HOOK3: variants seen among roughly 807,000 people sequenced by gnomAD.
The protein encoded by HOOK3 is hook microtubule tethering protein 3.
Under a neutral mutation model 116.3 loss-of-function variants are expected in HOOK3, and 24 were observed. The observed-to-expected ratio is 0.21, with a 90% CI of 0.15 to 0.29. HOOK3 has a LOEUF of 0.29. Among genes scored for constraint, HOOK3 ranks in the 10% least tolerant of loss-of-function variants. The pLI is 1.00. For missense variants in HOOK3, 632 were observed against 830.2 expected (o/e 0.76, Z 2.93); for synonymous variants, 275 against 283.0 (o/e 0.97, Z 0.28).
chr8:42,977,931 C>G (rs1402363585), intron 13 of HOOK3, among the ~76,000 whole-genome samples: 1 of 152,082 alleles, frequency 6.6e-6, no homozygotes, highest in African/African-American at 2.4e-5. Flanking sequence ...CAAAAAGATT[C>G]ACAACTTTAA....
At chr8:42,902,607 C>T (rs1807213992) in intron 1 of HOOK3, among the ~76,000 whole-genome samples, 1 of 152,108 alleles carries the variant, frequency 6.6e-6, no homozygotes, top group Non-Finnish European at 1.5e-5. Flanking sequence ...AGATGATTCC[C>T]CTACACACCA....
At chr8:42,976,726 T>A (rs1808836869) in intron 13 of HOOK3, among the ~76,000 whole-genome samples, 1 of 151,774 alleles carries the variant, frequency 6.6e-6, no homozygotes, top group Non-Finnish European at 1.5e-5. Flanking sequence ...TGAAACCCCG[T>A]CTCTACTAAA....
rs529268164 is a variant in HOOK3 at position 42,996,385 on chromosome 8, CAAAAAAAA to C, written c.1533-1154_1533-1147del. Among the ~76,000 whole-genome samples, 5 of 55,980 alleles carry C rather than the reference CAAAAAAAA, an allele frequency of 8.9e-5. No homozygotes were observed. In the East Asian group the frequency reaches 3.1e-3, roughly 35 times the overall value. 36.7% of individuals were successfully genotyped at this position (55,980 alleles called of 152,430 possible). Reference sequence around the variant, plus strand: ...TGGGCAACAGAAGGAGACTCCGTCTCAAAAAAAAAAAAAAAAAAGAAAAAGAAAAAGAA... The same window carrying C: ...TGGGCAACAGAAGGAGACTCCGTCTCAAAAAAAAAAGAAAAAGAAAAAGAA... On this transcript the variant is annotated intron_variant, in intron 15 of 21. Coordinates refer to ENST00000307602, the MANE Select transcript of HOOK3 (RefSeq NM_032410.4).
rs1809581494 is a variant in HOOK3 at position 43,010,329 on chromosome 8, A to G, written c.1763A>G (p.Glu588Gly). The G allele has an allele frequency of 6.9e-7, 1 of 1,459,216 alleles. No homozygotes were observed. Among genetic ancestry groups the G allele is most frequent in the African/African-American group, 1.4e-5 (1 of 69,034 alleles). 90.4% of individuals were successfully genotyped at this position (1,459,216 alleles called of 1,614,324 possible). ...GCCTTAAAAATTGAAGAATTACAAG[A>G]AGCTTTACGAAAGAAAGAGGAAGAA... Reference protein sequence around the residue: ...NSSLKIEELQEALRKKEEEMK... With the variant: ...NSSLKIEELQGALRKKEEEMK... Residue 588 changes from glutamate (E) to glycine (G), a missense_variant, in exon 19 of 22, where the codon GAA becomes GGA. Around this residue, in one of 3 missense-constraint regions of HOOK3, gnomAD observed 483 missense variants for 648.1 expected, o/e 0.75. Transcript: ENST00000307602.
chr8:42,950,270 T>A (rs1352583371), intron 5 of HOOK3, 118 bp from the exon 6 acceptor site: 1 of 674,112 alleles, frequency 1.5e-6, no homozygotes, highest in Non-Finnish European at 2.7e-6. Context: ...TATGTGGGAT[T>A]CCTAGGAGGA....
At chr8:43,001,143 G>C (rs1464323649) in intron 16 of HOOK3, 1 of 151,806 alleles carries the variant, frequency 6.6e-6, no homozygotes, top group Non-Finnish European at 1.5e-5. Flanking sequence ...AAGGTAACAG[G>C]GTTATCTTTT....
intron 2 of HOOK3, among the ~76,000 whole-genome samples, chr8:42,909,759 C>T (rs1016424824): frequency 6.6e-6 from 1 of 152,146 alleles, no homozygotes; most frequent in East Asian, 1.9e-4. Flanking sequence ...AACAACATGC[C>T]CATGTCCCCA....
Position 43,021,544 on chromosome 8 carries a change from A to G in HOOK3, c.*3046A>G. 5.7e-6 allele frequency: 1 copy of G among 176,192 alleles called. No homozygotes were observed. The highest frequency in any genetic ancestry group is 1.2e-5 in the Non-Finnish European group (1 of 82,202). The allele number at this position is 176,192 out of a possible 1,614,324, so 10.9% of individuals were successfully genotyped here. On this transcript the variant is annotated 3_prime_UTR_variant, in exon 22 of 22. Transcript: ENST00000307602. ...TCTCAAACTCCTGACCTCGTGATCT[A>G]CCCACCTCGGCCTCCCAAAGTGCTG... is the stretch of plus-strand genomic sequence containing the variant.
intron 8 of HOOK3, among the ~76,000 whole-genome samples, chr8:42,962,750 G>T (rs1298281406): frequency 6.6e-6 from 1 of 150,534 alleles, no homozygotes; most frequent in East Asian, 1.9e-4. Flanking sequence ...TGTGTAAAAA[G>T]GAGTTCTGCC....
At chr8:42,909,870 T>A (rs921233613) in intron 2 of HOOK3, among the ~76,000 whole-genome samples, 1 of 152,216 alleles carries the variant, frequency 6.6e-6, no homozygotes, top group African/African-American at 2.4e-5. Context: ...ATCTCACTTA[T>A]GTGGAATCTA....
intron 1 of HOOK3, among the ~76,000 whole-genome samples, chr8:42,903,338 C>CTTTTTTTTTTTTTTTTTTTTTTTTT (rs1164136399): frequency 6.9e-5 from 6 of 87,588 alleles, no homozygotes; most frequent in African/African-American, 2.8e-4. Flanking sequence ...TAATAGTTGT[C>CTTTTTTTTTTTTTTTTTTTTTTTTT]TTTTTTTTTT....
rs562537470 is a variant in HOOK3 at position 43,006,588 on chromosome 8, G to C, written c.1656-1259G>C. On this transcript the variant is annotated intron_variant, in intron 17 of 21. Transcript: ENST00000307602. ...TCTACCCACCTTGGCCTCCCAAAGTGCTAGGATTACAGGCATGAACCACTG... is the reference window on the plus strand; with the variant it reads ...TCTACCCACCTTGGCCTCCCAAAGTCCTAGGATTACAGGCATGAACCACTG... Among the ~76,000 whole-genome samples the C allele has an allele frequency of 5.5e-4, 84 of 152,298 alleles. 1 individual carries two copies. Among genetic ancestry groups the C allele is most frequent in the Admixed American group, 9.8e-4 (15 of 15,294 alleles).
intron 4 of HOOK3, among the ~76,000 whole-genome samples, chr8:42,932,240 C>T (rs905553981): frequency 3.3e-5 from 5 of 152,040 alleles, no homozygotes; most frequent in African/African-American, 7.2e-5. Context: ...GTATTAGACA[C>T]GTTGACAAAA....
intron 19 of HOOK3, among the ~76,000 whole-genome samples, chr8:43,011,040 T>G (rs1809597404): frequency 6.6e-6 from 1 of 151,892 alleles, no homozygotes; most frequent in African/African-American, 2.4e-5. Context: ...TCGCCCAGGC[T>G]GGAGTACAGT....
intron 15 of HOOK3, among the ~76,000 whole-genome samples, chr8:42,987,616 G>A (rs1435739683): frequency 6.6e-6 from 1 of 152,158 alleles, no homozygotes; most frequent in African/African-American, 2.4e-5. Context: ...AGGAACAACT[G>A]ACTTATTTTG....
chr8:42,950,280 A>T, intron 5 of HOOK3, 108 bp from the exon 6 acceptor site: 1 of 719,054 alleles, frequency 1.4e-6, no homozygotes, highest in Non-Finnish European at 2.5e-6. Flanking sequence ...TCCTAGGAGG[A>T]ATCAAAACAC....
intron 6 of HOOK3, among the ~76,000 whole-genome samples, chr8:42,956,805 A>G (rs1264200437): frequency 6.6e-6 from 1 of 152,052 alleles, no homozygotes. Flanking sequence ...GCTGGTCTTG[A>G]ACTCCTGACC....
intron 4 of HOOK3, among the ~76,000 whole-genome samples, chr8:42,932,577 A>T (rs1807894404): frequency 6.7e-6 from 1 of 149,856 alleles, no homozygotes; most frequent in Admixed American, 6.7e-5. Context: ...TCTCCCCCTC[A>T]CCCAGCCCCC....
At chr8:42,920,982 G>C (rs1199808241) in intron 2 of HOOK3, among the ~76,000 whole-genome samples, 3 of 152,074 alleles carry the variant, frequency 2.0e-5, no homozygotes, top group Admixed American at 2.0e-4. Context: ...ATGATCCTTA[G>C]GTTTTGATTT....
Sources: gnomAD v4.1 joint callset for allele counts (sites outside exome capture counted in the v4.1 genomes callset) on GRCh38, gnomAD v4.1.1 for gene constraint, gnomAD v4.1.1 regional missense constraint, MANE v1.5 for transcripts, NCBI Gene and HGNC (gene_info 2026-07-23, HGNC 2026-07-21) for gene names.